Variants in ZSCAN26 observed in about 807,000 individuals in gnomAD.
The protein encoded by ZSCAN26 is zinc finger and SCAN domain containing 26.
A neutral mutation model predicts 23.0 loss-of-function variants in ZSCAN26; 26 were observed. That is an observed-to-expected ratio of 1.13 (90% CI 0.83 to 1.57). The LOEUF (loss-of-function observed/expected upper bound fraction) is 1.57. ZSCAN26 is among the 40% of genes most tolerant of loss of function. The pLI is 0.00. For missense variants in ZSCAN26, 528 were observed against 568.5 expected, an observed-to-expected ratio of 0.93 and a Z score of 0.72; for synonymous variants, 180 against 202.5, an observed-to-expected ratio of 0.89 and a Z score of 0.94.
At chr6:28,268,263 G>A (rs1428186378) in intron 1 of ZSCAN26, among the ~76,000 whole-genome samples, 1 of 152,130 alleles carries the variant, frequency 6.6e-6, no homozygotes, top group Non-Finnish European at 1.5e-5. Flanking sequence ...GACATGAAGT[G>A]TGAGTGGGCA....
rs1353590830 is a variant in ZSCAN26, at chr6:28,277,288, G to C, written c.*192G>C. 5.0e-6 allele frequency: 3 copies of C among 594,728 alleles called. No homozygotes were observed. The highest frequency in any genetic ancestry group is 5.7e-5 in the East Asian group (2 of 35,308). 36.8% of individuals were successfully genotyped at this position (594,728 alleles called of 1,614,324 possible). A position where few individuals can be genotyped will look rare whatever the true frequency, so the allele number is the denominator to read the frequency against. ...GGACCACAATAATTTCACTGTAGAT[G>C]ATATGCTAGGATCAAAGTTAAACAG... On this transcript the variant is annotated 3_prime_UTR_variant, in exon 4 of 4. Transcript: ENST00000421553.
Position 28,267,878 on chromosome 6 carries a change from T to TA in ZSCAN26, c.-67+667dup, listed in dbSNP as rs1334253621. ...AATGGAATCAAGAAAACTTAAAAGT[T>TA]AAGAGTAATTTTTTAAAATTCCAAG... On this transcript the variant is annotated intron_variant, in intron 1 of 3. Coordinates refer to ENST00000421553, the MANE Select transcript of ZSCAN26 (RefSeq NM_001023560.4). Among the ~76,000 whole-genome samples the TA allele has an allele frequency of 3.3e-5, 5 of 152,168 alleles. No homozygotes were observed. In the East Asian group the frequency reaches 9.6e-4, roughly 29 times the overall value.
In ZSCAN26 at chr6:28,276,833, A is replaced by G. The variant is rs1195010250; in HGVS notation, c.1177A>G (p.Lys393Glu). The change falls in exon 4 of 4, where the codon AAA becomes GAA. Residue 393 changes from lysine to glutamate, a missense_variant. Coordinates refer to ENST00000421553, the MANE Select transcript of ZSCAN26 (RefSeq NM_001023560.4). ...THHQRIHSHSKSHQCNECGKA... is the reference protein window; with the variant it reads ...THHQRIHSHSESHQCNECGKA... ...CCATCAGAGAATCCATAGTCACTCC[A>G]AAAGCCATCAATGTAACGAGTGTGG... 1.4e-5 allele frequency: 22 copies of G among 1,613,998 alleles called. No homozygotes were observed. The highest frequency in any genetic ancestry group is 1.9e-5 in the Non-Finnish European group (22 of 1,179,878).
At position 28,276,512 on chromosome 6, in the gene ZSCAN26, C is replaced by T; in HGVS notation, c.856C>T (p.His286Tyr). The T allele has an allele frequency of 6.2e-7, 1 of 1,613,886 alleles. No homozygotes were observed. Among genetic ancestry groups the T allele is most frequent in the Non-Finnish European group, 8.5e-7 (1 of 1,179,840 alleles). The change falls in exon 4 of 4, where the codon CAT (histidine) becomes TAT (tyrosine). Residue 286 changes from histidine (H) to tyrosine (Y), a missense_variant. Physicochemically the swap from His to Tyr is moderately conservative, Grantham distance 83 (BLOSUM62 2). Coordinates refer to ENST00000421553, the MANE Select transcript of ZSCAN26 (RefSeq NM_001023560.4). ...CTCTAGAGAGAAAGGTCATCAGTGT[C>T]ATGAGTGTGGGAAAGCCTTTCAGAG... ...VLSREKGHQCHECGKAFQRSS... is the reference protein window; with the variant it reads ...VLSREKGHQCYECGKAFQRSS...
intron 2 of ZSCAN26, 88 bp from the exon 3 acceptor site, chr6:28,272,582 T>C: frequency 8.5e-7 from 1 of 1,175,274 alleles, no homozygotes; most frequent in South Asian, 1.6e-5. Context: ...CTTTCTTCTC[T>C]TTTTTAACAC....
rs1402128484 is a variant in ZSCAN26 at position 28,277,601 on chromosome 6, A to C, written c.*505A>C. On this transcript the variant is annotated 3_prime_UTR_variant, in exon 4 of 4. Coordinates refer to ENST00000421553, the MANE Select transcript of ZSCAN26 (RefSeq NM_001023560.4). ...CATTTTCCCCCAGTGGCTTCACCTC[A>C]TTCCTCCCACTGGCCTTACCCCTTC... 1 of 152,752 alleles carries C rather than the reference A, an allele frequency of 6.5e-6. No homozygotes were observed. Among genetic ancestry groups the C allele is most frequent in the African/African-American group, 2.4e-5 (1 of 41,452 alleles). The allele number at this position is 152,752 out of a possible 1,614,324, so 9.5% of individuals were successfully genotyped here. A position where few individuals can be genotyped will look rare whatever the true frequency, so the allele number is the denominator to read the frequency against.
intron 1 of ZSCAN26, 162 bp downstream of exon 1, chr6:28,267,375 TGTGGATCTGGTAAACA>T (rs1761487748): frequency 6.6e-6 from 1 of 152,188 alleles, no homozygotes; most frequent in Non-Finnish European, 1.5e-5. Flanking sequence ...GTGATGAAGC[TGTGGATCTGGTAAACA>T]GAGTACAACC....
intron 3 of ZSCAN26, among the ~76,000 whole-genome samples, chr6:28,273,860 G>C (rs375908752): frequency 6.6e-6 from 1 of 151,786 alleles, no homozygotes; most frequent in East Asian, 1.9e-4. Context: ...TGGGACTACC[G>C]GTGTGTGTGC....
In ZSCAN26 at chr6:28,271,872, A is replaced by T. The variant is rs1016952747; in HGVS notation, c.-48A>T. 6.8e-7 allele frequency: 1 copy of T among 1,473,740 alleles called. No homozygotes were observed. 91.3% of individuals were successfully genotyped at this position (1,473,740 alleles called of 1,614,324 possible). Reference sequence around the variant, plus strand: ...ATTTTAGGAGTGTCTCTGAAGATACAGTCCAAAGAAAGTTCTCCAAAACAA... The same window carrying T: ...ATTTTAGGAGTGTCTCTGAAGATACTGTCCAAAGAAAGTTCTCCAAAACAA... On this transcript the variant is annotated 5_prime_UTR_variant, in exon 2 of 4. Transcript: ENST00000421553.
Position 28,276,501 on chromosome 6 carries a change from G to C in ZSCAN26, c.845G>C (p.Gly282Ala). The change falls in exon 4 of 4, where the codon GGT becomes GCT. Residue 282 changes from glycine to alanine, a missense_variant. Gly to Ala is a moderately conservative substitution (Grantham distance 60). Coordinates refer to ENST00000421553, the MANE Select transcript of ZSCAN26 (RefSeq NM_001023560.4). ...AAGAAAGTCCTCTCTAGAGAGAAAG[G>C]TCATCAGTGTCATGAGTGTGGGAAA... ...GHKKVLSREKGHQCHECGKAF... is the reference protein window; with the variant it reads ...GHKKVLSREKAHQCHECGKAF... 1.2e-6 allele frequency: 2 copies of C among 1,613,918 alleles called. No individual in the cohort carries two copies. The highest frequency in any genetic ancestry group is 8.5e-7 in the Non-Finnish European group (1 of 1,179,852).
At chr6:28,267,283 C>G (rs1761480438) in intron 1 of ZSCAN26, 70 bp downstream of exon 1, 1 of 152,338 alleles carries the variant, frequency 6.6e-6, no homozygotes, top group African/African-American at 2.4e-5. Context: ...GGAGCAGCTG[C>G]TTCCCGGCGG....
In ZSCAN26 at chr6:28,277,011, A is replaced by C; in HGVS notation, c.1355A>C (p.Gln452Pro). ...VRIHNEEKPY[Q>P]CSECGEAFRQ... ...ATCCACAATGAAGAAAAACCCTATC[A>C]GTGTAGTGAATGTGGAGAAGCCTTC... Residue 452 changes from glutamine (Q) to proline (P), a missense_variant, in exon 4 of 4, where the codon CAG becomes CCG. By Grantham distance (76) the Gln-to-Pro change is moderately conservative. Coordinates refer to ENST00000421553, the MANE Select transcript of ZSCAN26 (RefSeq NM_001023560.4). 1 of 1,614,008 alleles carries C rather than the reference A, an allele frequency of 6.2e-7. No homozygotes were observed. Among genetic ancestry groups the C allele is most frequent in the Non-Finnish European group, 8.5e-7 (1 of 1,179,868 alleles).
At position 28,276,061 on chromosome 6, in the gene ZSCAN26, C is replaced by T. The variant is rs1411263263; in HGVS notation, c.539-134C>T. 291 of 738,820 alleles carry T rather than the reference C, an allele frequency of 3.9e-4. 2 individuals are homozygous for T. The highest frequency in any genetic ancestry group is 3.9e-4 in the Middle Eastern group (1 of 2,546). The allele number at this position is 738,820 out of a possible 1,614,324, so 45.8% of individuals were successfully genotyped here. ...TGTGTACCATTCTGTAACTATTTTACGCAATCACAAGCATCCACAATGTTT... is the reference window on the plus strand; with the variant it reads ...TGTGTACCATTCTGTAACTATTTTATGCAATCACAAGCATCCACAATGTTT... On this transcript the variant is annotated intron_variant, in intron 3 of 3. Coordinates refer to ENST00000421553, the MANE Select transcript of ZSCAN26 (RefSeq NM_001023560.4).
In ZSCAN26 at chr6:28,271,737, A is replaced by G. The variant is rs114442205; in HGVS notation, c.-66-117A>G. The G allele has an allele frequency of 9.8e-4, 576 of 590,356 alleles. 1 individual carries two copies. Among genetic ancestry groups the G allele is most frequent in the African/African-American group, 5.0e-3 (271 of 53,844 alleles). The allele number at this position is 590,356 out of a possible 1,614,324, so 36.6% of individuals were successfully genotyped here. ...TTTCCTTCTGTATGTATGTTTAGAA[A>G]TGGTTGTTTTAGAGAGAAAAAATGG... On this transcript the variant is annotated intron_variant, in intron 1 of 3. Transcript: ENST00000421553.
chr6:28,268,900 G>A (rs1424245583), intron 1 of ZSCAN26, among the ~76,000 whole-genome samples: 1 of 152,012 alleles, frequency 6.6e-6, no homozygotes, highest in Non-Finnish European at 1.5e-5. Flanking sequence ...ATCACTTGAG[G>A]TCAGGAATTC....
intron 1 of ZSCAN26, among the ~76,000 whole-genome samples, chr6:28,268,240 T>C (rs1011779305): frequency 6.6e-6 from 1 of 152,156 alleles, no homozygotes; most frequent in Non-Finnish European, 1.5e-5. Context: ...GGCTCATTGT[T>C]TTATTATGCT....
Position 28,277,148 on chromosome 6 carries a change from C to T in ZSCAN26, c.*52C>T. The T allele has an allele frequency of 1.3e-6, 2 of 1,548,890 alleles. No individual in the cohort carries two copies. Among genetic ancestry groups the T allele is most frequent in the East Asian group, 2.2e-5 (1 of 44,462 alleles). ...CAGAGAAGGCACATTGACTAGCAAA[C>T]AGCACTTTAGGAAAAGTCACCGTAG... On this transcript the variant is annotated 3_prime_UTR_variant, in exon 4 of 4. Transcript: ENST00000421553.
chr6:28,272,092 G>T lies in ZSCAN26; in HGVS notation c.173G>T (p.Arg58Leu). 12 of 1,581,994 alleles carry T rather than the reference G, an allele frequency of 7.6e-6. No individual in the cohort carries two copies. Among genetic ancestry groups the T allele is most frequent in the Non-Finnish European group, 1.0e-5 (12 of 1,163,570 alleles). ...TTGTGCAAACAATTCAGGCAGTTGC[G>T]TTATGAAGAGACCACAGGACCTCGA... ...EPLCKQFRQL[R>L]YEETTGPREA... The change falls in exon 2 of 4, where the codon CGT becomes CTT. Residue 58 changes from arginine (R) to leucine (L), a missense_variant. Physicochemically the swap from Arg to Leu is moderately radical, Grantham distance 102. Coordinates refer to ENST00000421553, the MANE Select transcript of ZSCAN26 (RefSeq NM_001023560.4).
chr6:28,274,957 A>G (rs756243877), intron 3 of ZSCAN26, among the ~76,000 whole-genome samples: 4 of 152,152 alleles, frequency 2.6e-5, no homozygotes, highest in Non-Finnish European at 5.9e-5. Context: ...TGTAGGACTG[A>G]ATACTTCATT....
Sources: gnomAD v4.1 joint callset for allele counts (sites outside exome capture counted in the v4.1 genomes callset) on GRCh38, gnomAD v4.1.1 for gene constraint, MANE v1.5 for transcripts, NCBI Gene and HGNC (gene_info 2026-07-23, HGNC 2026-07-21) for gene names.